Variants in BSG observed in about 807,000 individuals in gnomAD.
The protein encoded by BSG is basigin (Ok blood group).
In BSG, 37 loss-of-function variants were observed where a neutral mutation model predicts 43.1. That is an observed-to-expected ratio of 0.86 (90% CI 0.66 to 1.13). The LOEUF (loss-of-function observed/expected upper bound fraction) is 1.13. Ranked by LOEUF, BSG falls within the 50% of genes most tolerant of loss-of-function variation. The pLI is 0.00. For missense variants in BSG, 599 were observed against 554.2 expected (o/e 1.08, Z -0.81); for synonymous variants, 309 against 238.7 (o/e 1.29, Z -2.72).
At position 580,324 on chromosome 19, in the gene BSG, C is replaced by T. The variant is rs113465218; in HGVS notation, c.573-55C>T. The T allele has an allele frequency of 5.4e-5, 84 of 1,553,056 alleles. No individual in the cohort carries two copies. In the East Asian group the frequency reaches 9.7e-4, roughly 18 times the overall value. ...TTGGGCCCCTGGAGAACCCTGGGTCCTTGGAGGCGTCCTGCAGAGCTGGTA... is the reference window on the plus strand; with the variant it reads ...TTGGGCCCCTGGAGAACCCTGGGTCTTTGGAGGCGTCCTGCAGAGCTGGTA... On this transcript the variant is annotated intron_variant, in intron 3 of 8. Coordinates refer to ENST00000333511, the MANE Select transcript of BSG (RefSeq NM_001728.4).
intron 1 of BSG, chr19:575,208 G>A: frequency 6.6e-6 from 1 of 152,594 alleles, no homozygotes; most frequent in Non-Finnish European, 1.5e-5. Flanking sequence ...GTGTGTGTGT[G>A]GTGAGAAACC....
upstream of BSG, among the ~76,000 whole-genome samples, chr19:571,928 A>T (rs1054681492): frequency 6.6e-6 from 1 of 152,154 alleles, no homozygotes; most frequent in African/African-American, 2.4e-5. Flanking sequence ...CTGGAAGTTG[A>T]GTTTCTGAAG....
At chr19:571,761 G>C (rs561352095), upstream of BSG, 1 of 635,636 alleles carries the variant, frequency 1.6e-6, no homozygotes, top group Non-Finnish European at 2.9e-6. Context: ...AAGGAAGGGA[G>C]CTTCTGTTCC....
chr19:582,343 T>C lies in BSG; in HGVS notation c.1094+13T>C, dbSNP rs1600501491. The C allele has an allele frequency of 1.3e-6, 2 of 1,596,150 alleles. No homozygotes were observed. The highest frequency in any genetic ancestry group is 1.7e-6 in the Non-Finnish European group (2 of 1,175,978). ...GCTCTGCACCCCTGTAAGTTCCAGCTGTGGGGGTCGGGGGTCCCAAGGAGC... is the reference window on the plus strand; with the variant it reads ...GCTCTGCACCCCTGTAAGTTCCAGCCGTGGGGGTCGGGGGTCCCAAGGAGC... On this transcript the variant is annotated intron_variant, in intron 7 of 8. Coordinates refer to ENST00000333511, the MANE Select transcript of BSG (RefSeq NM_001728.4).
chr19:577,373 T>G (rs950010179), intron 1 of BSG, among the ~76,000 whole-genome samples: 1 of 152,142 alleles, frequency 6.6e-6, no homozygotes, highest in Non-Finnish European at 1.5e-5. Context: ...CTTTGGGGTT[T>G]GTTTTTCTCA....
At chr19:572,974 C>A (rs1333032682) in intron 1 of BSG, among the ~76,000 whole-genome samples, 5 of 152,106 alleles carry the variant, frequency 3.3e-5, no homozygotes, top group Non-Finnish European at 5.9e-5. Context: ...GCGTGAAGCT[C>A]CCTGCTTGGA....
chr19:582,450 C>T, intron 7 of BSG, 64 bp from the exon 8 acceptor site: 1 of 1,587,338 alleles, frequency 6.3e-7, no homozygotes, highest in Non-Finnish European at 8.6e-7. Context: ...CCGGGGTGGG[C>T]AGGGGTGACT....
At chr19:572,448 C>A (rs1184067620), upstream of BSG, 5 of 1,149,392 alleles carry the variant, frequency 4.4e-6, no homozygotes, top group African/African-American at 1.6e-5. Flanking sequence ...CTGCCGGAGC[C>A]GGCGCGTACA....
At chr19:579,142 T>A in intron 2 of BSG, 1 of 476,138 alleles carries the variant, frequency 2.1e-6, no homozygotes, top group Non-Finnish European at 4.2e-6. Context: ...GGGTGCCTTG[T>A]CTGTCCCCAC....
chr19:577,658 G>T (rs1471120398), intron 1 of BSG, 116 bp from the exon 2 acceptor site: 2 of 838,340 alleles, frequency 2.4e-6, no homozygotes, highest in Non-Finnish European at 3.3e-6. Context: ...CAAGCTGAAA[G>T]GAAGTGGCTT....
chr19:582,776 C>T lies in BSG; in HGVS notation c.*32C>T, dbSNP rs933761009. On this transcript the variant is annotated 3_prime_UTR_variant, in exon 9 of 9. Coordinates refer to ENST00000333511, the MANE Select transcript of BSG (RefSeq NM_001728.4). Reference sequence around the variant, plus strand: ...TGGCCCGAGGACGCTCCCTGCTCCACGTCTGCGCCGCCGCCGGAGTCCACT... The same window carrying T: ...TGGCCCGAGGACGCTCCCTGCTCCATGTCTGCGCCGCCGCCGGAGTCCACT... 9.2e-5 allele frequency: 56 copies of T among 609,586 alleles called. No homozygotes were observed. Among genetic ancestry groups the T allele is most frequent in the Non-Finnish European group, 1.4e-4 (47 of 346,528 alleles). The allele number at this position is 609,586 out of a possible 1,614,324, so 37.8% of individuals were successfully genotyped here. A position where few individuals can be genotyped will look rare whatever the true frequency, so the allele number is the denominator to read the frequency against.
chr19:573,418 A>G (rs1005532240), intron 1 of BSG, among the ~76,000 whole-genome samples: 3 of 152,196 alleles, frequency 2.0e-5, no homozygotes, highest in Non-Finnish European at 4.4e-5. Context: ...TTGTCCTCCA[A>G]GAGCACATGG....
chr19:576,765 A>G (rs1344002524), intron 1 of BSG, among the ~76,000 whole-genome samples: 4 of 146,218 alleles, frequency 2.7e-5, no homozygotes, highest in Non-Finnish European at 6.0e-5. Context: ...AAAAAAAAGA[A>G]GAAGAGGAGA....
intron 1 of BSG, chr19:575,177 G>GGTGTAGCC (rs1981652601): frequency 6.6e-6 from 1 of 152,336 alleles, no homozygotes; most frequent in African/African-American, 2.4e-5. Context: ...GCCGTGCAGC[G>GGTGTAGCC]GTGTAGCCGT....
At chr19:571,427 C>A (rs1421993979), upstream of BSG, 7 of 729,900 alleles carry the variant, frequency 9.6e-6, no homozygotes, top group Non-Finnish European at 1.8e-5. Flanking sequence ...GCCCCAATAG[C>A]GACTTTTCTC....
chr19:579,931 C>G, intron 3 of BSG: 1 of 497,792 alleles, frequency 2.0e-6, no homozygotes, highest in Non-Finnish European at 3.5e-6. Context: ...CTGCCAGGTC[C>G]CGGGCACGTG....
intron 1 of BSG, 65 bp downstream of exon 1, chr19:572,766 G>A (rs1981378268): frequency 3.7e-6 from 5 of 1,335,732 alleles, no homozygotes; most frequent in Non-Finnish European, 4.8e-6. Flanking sequence ...CCGCGGTGCC[G>A]ACCCGAAGCC....
At chr19:581,648 T>C in intron 6 of BSG, 57 bp downstream of exon 6, 1 of 1,494,988 alleles carries the variant, frequency 6.7e-7, no homozygotes, top group Non-Finnish European at 8.9e-7. Flanking sequence ...CCAGGGCCAC[T>C]CCTGGTCCGT....
rs1417003101 is a variant in BSG, at chr19:577,781, C to T, written c.75C>T (p.Phe25=). ...GTHGASGAAG[F]VQAPLSQQRW... is the part of the protein sequence containing the mutation. Reference sequence around the variant, plus strand: ...CGCGTGCTCTCCCCACAGCCGGCTTCGTCCAGGCGCCGCTGTCCCAGCAGA... The same window carrying T: ...CGCGTGCTCTCCCCACAGCCGGCTTTGTCCAGGCGCCGCTGTCCCAGCAGA... The change falls in exon 2 of 9, where the codon TTC becomes TTT. Residue 25 remains phenylalanine (F), a synonymous_variant. Transcript: ENST00000333511. 4.9e-6 allele frequency: 7 copies of T among 1,417,622 alleles called. No homozygotes were observed. In the Admixed American group the frequency reaches 8.5e-5, roughly 17 times the overall value. The allele number at this position is 1,417,622 out of a possible 1,614,324, so 87.8% of individuals were successfully genotyped here. A position where few individuals can be genotyped will look rare whatever the true frequency, so the allele number is the denominator to read the frequency against.
Sources: gnomAD v4.1 joint callset for allele counts (sites outside exome capture counted in the v4.1 genomes callset) on GRCh38, gnomAD v4.1.1 for gene constraint, MANE v1.5 for transcripts, NCBI Gene and HGNC (gene_info 2026-07-23, HGNC 2026-07-21) for gene names.